UNC13C: variants seen among roughly 807,000 people sequenced by gnomAD.
The protein encoded by UNC13C is unc-13 homolog C.
Under a neutral mutation model 245.4 loss-of-function variants are expected in UNC13C, and 174 were observed. The observed-to-expected ratio is 0.71, with a 90% CI of 0.63 to 0.80. The LOEUF is 0.80. Ranked by LOEUF, UNC13C falls within the 30% of genes least tolerant of loss-of-function variation. UNC13C has a pLI of 0.00. For missense variants in UNC13C, 2,829 were observed against 2,602.9 expected (o/e 1.09, Z -1.89); for synonymous variants, 992 against 895.1 (o/e 1.11, Z -1.93).
chr15:54,207,571 AT>A (rs564079268), intron 4 of UNC13C, among the ~76,000 whole-genome samples: 140 of 152,218 alleles, frequency 9.2e-4, no homozygotes, highest in Non-Finnish European at 1.7e-3. Flanking sequence ...GAATGGAATA[AT>A]TCATCTACGT....
At chr15:54,240,878 G>A (rs2035833485) in intron 7 of UNC13C, among the ~76,000 whole-genome samples, 1 of 152,124 alleles carries the variant, frequency 6.6e-6, no homozygotes, top group South Asian at 2.1e-4. Flanking sequence ...TCTGACAGTG[G>A]GGCAATCAAA....
At chr15:54,289,222 A>G (rs2037228264) in intron 10 of UNC13C, among the ~76,000 whole-genome samples, 1 of 151,964 alleles carries the variant, frequency 6.6e-6, no homozygotes, top group South Asian at 2.1e-4. Flanking sequence ...CTACCTATAA[A>G]CTGTCTACAT....
At chr15:54,431,317 T>C (rs1304080525) in intron 19 of UNC13C, among the ~76,000 whole-genome samples, 3 of 150,886 alleles carry the variant, frequency 2.0e-5, no homozygotes, top group South Asian at 4.2e-4. Context: ...AATCACAAGC[T>C]TTTTTTTTCT....
intron 18 of UNC13C, among the ~76,000 whole-genome samples, chr15:54,396,298 A>C (rs534541758): frequency 4.0e-5 from 6 of 151,772 alleles, no homozygotes; most frequent in African/African-American, 1.4e-4. Context: ...CTGCTTTCTA[A>C]TACTATGAAT....
At chr15:53,873,408 C>T in the UNC13C span, among the ~76,000 whole-genome samples, 2 of 152,104 alleles carry the variant, frequency 1.3e-5, no homozygotes, top group Non-Finnish European at 2.9e-5. Flanking sequence ...GATCGCTCAA[C>T]TTGCCTCCTC....
chr15:53,909,641 GA>G, the UNC13C span, among the ~76,000 whole-genome samples: 1 of 146,722 alleles, frequency 6.8e-6, no homozygotes, highest in Non-Finnish European at 1.5e-5. Flanking sequence ...AGCTACTCGG[GA>G]GGCTGAGGCA....
At chr15:53,993,863 G>A (rs890828665) in intron 1 of UNC13C, among the ~76,000 whole-genome samples, 13 of 152,002 alleles carry the variant, frequency 8.6e-5, no homozygotes, top group African/African-American at 2.9e-4. Context: ...TATGTAAGGG[G>A]AATGGACAAA....
chr15:53,975,377 C>G (rs1893664206), upstream of UNC13C, among the ~76,000 whole-genome samples: 1 of 152,152 alleles, frequency 6.6e-6, no homozygotes, highest in East Asian at 1.9e-4. Flanking sequence ...ATTATCTGGA[C>G]AACTAATCCA....
intron 19 of UNC13C, among the ~76,000 whole-genome samples, chr15:54,471,389 G>A (rs1892454785): frequency 6.6e-6 from 1 of 151,548 alleles, no homozygotes; most frequent in African/African-American, 2.4e-5. Flanking sequence ...TCAAAGTTGG[G>A]TGTATAGATC....
At position 54,015,647 on chromosome 15, in the gene UNC13C, A is replaced by T. The variant is rs1895619125; in HGVS notation, c.2744A>T (p.Glu915Val). 1 of 1,613,680 alleles carries T rather than the reference A, an allele frequency of 6.2e-7. No homozygotes were observed. The highest frequency in any genetic ancestry group is 1.3e-5 in the African/African-American group (1 of 74,936). Residue 915 changes from glutamate (E) to valine (V), a missense_variant, in exon 2 of 33, where the codon GAA becomes GTA. Glu to Val is a moderately radical substitution (Grantham distance 121). Transcript: ENST00000260323. ...CACCTTTCATATGAAACACCTTATG[A>T]AACCCCACAAGATGAGGGTTATGAT... ...YDHLSYETPYETPQDEGYDGP... is the reference protein window; with the variant it reads ...YDHLSYETPYVTPQDEGYDGP...
intron 26 of UNC13C, among the ~76,000 whole-genome samples, chr15:54,537,448 C>T (rs1896032944): frequency 6.6e-6 from 1 of 151,888 alleles, no homozygotes; most frequent in South Asian, 2.1e-4. Context: ...TATCAAACTA[C>T]CAGCAATATT....
At chr15:54,580,683 T>C (rs952571532) in intron 30 of UNC13C, among the ~76,000 whole-genome samples, 1 of 152,238 alleles carries the variant, frequency 6.6e-6, no homozygotes, top group Admixed American at 6.5e-5. Flanking sequence ...CCATAAATGT[T>C]CATCATTCTT....
chr15:54,144,897 A>G (rs2032187361), intron 4 of UNC13C, among the ~76,000 whole-genome samples: 1 of 151,930 alleles, frequency 6.6e-6, no homozygotes, highest in South Asian at 2.1e-4. Context: ...ATTCATATAT[A>G]CCTCTTTATA....
intron 30 of UNC13C, among the ~76,000 whole-genome samples, chr15:54,609,891 G>A (rs547601267): frequency 6.6e-6 from 1 of 152,282 alleles, no homozygotes; most frequent in South Asian, 2.1e-4. Context: ...CATGGTGACA[G>A]GAAAGAGAAA....
chr15:54,057,018 A>G (rs12324259), intron 2 of UNC13C, among the ~76,000 whole-genome samples: 34,436 of 152,156 alleles, frequency 0.23, 5,131 homozygotes, highest in African/African-American at 0.43. Flanking sequence ...GCCAAATTGT[A>G]AAGACCATCA....
chr15:54,544,233 A>G (rs1896380408), intron 26 of UNC13C, among the ~76,000 whole-genome samples: 1 of 152,210 alleles, frequency 6.6e-6, no homozygotes, highest in Non-Finnish European at 1.5e-5. Context: ...GGCCTTTGAT[A>G]AAATTCAACA....
chr15:54,478,296 T>G lies in UNC13C; in HGVS notation c.4934-16312T>G, dbSNP rs905716109. Among the ~76,000 whole-genome samples the G allele has an allele frequency of 3.2e-4, 44 of 139,056 alleles. No individual in the cohort carries two copies. The East Asian group carries it at 4.3e-3, about 14-fold the overall frequency. The allele number at this position is 139,056 out of a possible 152,430, so 91.2% of individuals were successfully genotyped here. On this transcript the variant is annotated intron_variant, in intron 19 of 32. Transcript: ENST00000260323. ...CATTAATTTTTTGAAGATTTTTTTT[T>G]TGTCTCTATTTCCTTCTGTTCTGCT...
intron 19 of UNC13C, among the ~76,000 whole-genome samples, chr15:54,480,316 T>C (rs1020648017): frequency 2.0e-5 from 3 of 151,498 alleles, no homozygotes; most frequent in Non-Finnish European, 4.4e-5. Context: ...TTCTATTCCA[T>C]TGGCTTTCTT....
chr15:54,294,956 C>G (rs75620048), intron 11 of UNC13C, among the ~76,000 whole-genome samples: 3,089 of 152,178 alleles, frequency 0.02, 52 homozygotes, highest in Middle Eastern at 0.048. Context: ...TCACAAAACT[C>G]TAGATTATAG....
Sources: gnomAD v4.1 joint callset for allele counts (sites outside exome capture counted in the v4.1 genomes callset) on GRCh38, gnomAD v4.1.1 for gene constraint, MANE v1.5 for transcripts, NCBI Gene and HGNC (gene_info 2026-07-23, HGNC 2026-07-21) for gene names.